CTNNA2: variants seen among roughly 807,000 people sequenced by gnomAD.
The protein encoded by CTNNA2 is catenin alpha 2, also known as catenin alpha-2.
CTNNA2 carries 42 observed loss-of-function variants against 101.0 expected under a neutral mutation model. The observed-to-expected ratio is 0.42, with a 90% CI of 0.32 to 0.54. The LOEUF (loss-of-function observed/expected upper bound fraction) is 0.54, where lower values mean the gene tolerates loss of function less well. Ranked by LOEUF, CTNNA2 falls within the 20% of genes least tolerant of loss-of-function variation. CTNNA2 has a pLI of 0.14. For missense variants in CTNNA2, 871 were observed against 1,223.1 expected (o/e 0.71, Z 4.29); for synonymous variants, 450 against 456.4 (o/e 0.99, Z 0.18).
chr2:79,301,005 T>TTG (rs1414829148), intron 2 of CTNNA2, among the ~76,000 whole-genome samples: 1 of 152,170 alleles, frequency 6.6e-6, no homozygotes, highest in Non-Finnish European at 1.5e-5. Context: ...TTTGACTGCT[T>TTG]TGCTCTCTTT....
intron 2 of CTNNA2, among the ~76,000 whole-genome samples, chr2:79,273,364 G>A (rs1228631689): frequency 6.6e-6 from 1 of 151,832 alleles, no homozygotes; most frequent in African/African-American, 2.4e-5. Context: ...TGGCACCTGT[G>A]GCTGCAGCAT....
rs139881678 is a variant in CTNNA2, at chr2:80,629,081, G to A, written c.2574+9853G>A. Among the ~76,000 whole-genome samples, 655 of 152,122 alleles carry A rather than the reference G, an allele frequency of 4.3e-3. 5 individuals carry two copies. Among genetic ancestry groups the A allele is most frequent in the African/African-American group, 0.015 (639 of 41,508 alleles). ...GATGTGCACCATACATTGAGCACAG[G>A]GTCCAGAATGTAGGTGTACTAAATA... On this transcript the variant is annotated intron_variant, in intron 18 of 18. Transcript: ENST00000402739.
chr2:80,619,146 G>A lies in CTNNA2; in HGVS notation c.2492G>A (p.Gly831Asp). 1.3e-6 allele frequency: 2 copies of A among 1,562,680 alleles called. No homozygotes were observed. Among genetic ancestry groups the A allele is most frequent in the Non-Finnish European group, 1.7e-6 (2 of 1,152,852 alleles). ...YEVDCDVIDG[G>D]RASQLSTHLP... ...GTAGATTGTGATGTCATAGATGGGG[G>A]CAGGGCTAGTCAACTTTCTACCCAC... Residue 831 changes from glycine to aspartate, a missense_variant, in exon 18 of 19, where the codon GGC becomes GAC. Gly to Asp is a moderately conservative substitution (Grantham distance 94). Around this residue, in one of 5 missense-constraint regions of CTNNA2, gnomAD observed 65 missense variants for 53.3 expected, o/e 1.22. Coordinates refer to ENST00000402739, the MANE Select transcript of CTNNA2 (RefSeq NM_001282597.3).
intron 7 of CTNNA2, among the ~76,000 whole-genome samples, chr2:80,380,607 A>G (rs1190860004): frequency 1.3e-5 from 2 of 152,202 alleles, no homozygotes; most frequent in African/African-American, 2.4e-5. Flanking sequence ...TTGTAGGATG[A>G]TAACCTAGGC....
intron 2 of CTNNA2, among the ~76,000 whole-genome samples, chr2:79,705,977 G>A (rs138016986): frequency 6.6e-6 from 1 of 152,292 alleles, no homozygotes; most frequent in Non-Finnish European, 1.5e-5. Flanking sequence ...AGTTAGTCAG[G>A]TGGGAAAGAA....
rs531216883 is a variant in CTNNA2, at chr2:79,226,869, C to G, written c.-406+28793C>G. ...GATACAGGTAACTTCATCTTAGCAA[C>G]AGGCTCTTGTGCAACATGAATTTGT... is the stretch of plus-strand genomic sequence containing the variant. On this transcript the variant is annotated intron_variant, in intron 2 of 21. Coordinates refer to the CTNNA2 transcript ENST00000466387. 2.6e-5 allele frequency among the ~76,000 whole-genome samples: 4 copies of G among 152,184 alleles called. No homozygotes were observed. In the South Asian group the frequency reaches 8.3e-4, roughly 32 times the overall value.
chr2:80,271,517 G>C (rs1335434956), intron 7 of CTNNA2, among the ~76,000 whole-genome samples: 1 of 151,250 alleles, frequency 6.6e-6, no homozygotes, highest in African/African-American at 2.4e-5. Context: ...CACCTCCCGT[G>C]TTCACGCCAT....
intron 1 of CTNNA2, among the ~76,000 whole-genome samples, chr2:79,532,066 A>G (rs72921176): frequency 0.21 from 31,903 of 152,040 alleles, 3,619 homozygotes; most frequent in Middle Eastern, 0.34. Context: ...TCTGTTACAG[A>G]CGCTGGTTTG....
chr2:80,268,213 T>C (rs184496773), intron 7 of CTNNA2, among the ~76,000 whole-genome samples: 27 of 152,352 alleles, frequency 1.8e-4, no homozygotes, highest in Non-Finnish European at 1.5e-5. Context: ...GCTGGCACTA[T>C]TTTAAAGCAA....
At chr2:79,939,387 A>G (rs1687997288) in intron 7 of CTNNA2, among the ~76,000 whole-genome samples, 1 of 152,224 alleles carries the variant, frequency 6.6e-6, no homozygotes, top group African/African-American at 2.4e-5. Flanking sequence ...TGGAATAAAT[A>G]TATTCAAATG....
intron 7 of CTNNA2, among the ~76,000 whole-genome samples, chr2:80,279,668 G>C (rs148893684): frequency 6.6e-6 from 1 of 152,134 alleles, no homozygotes; most frequent in Non-Finnish European, 1.5e-5. Context: ...TGTATCAATA[G>C]AGTCAATTTC....
intron 16 of CTNNA2, among the ~76,000 whole-genome samples, chr2:80,606,414 C>CCCCCA: frequency 1.9e-5 from 1 of 51,634 alleles, no homozygotes; most frequent in South Asian, 3.4e-4. Context: ...ACACACACAC[C>CCCCCA]CCCCAGGATA....
intron 2 of CTNNA2, among the ~76,000 whole-genome samples, chr2:79,733,815 A>G (rs1395748301): frequency 6.6e-6 from 1 of 152,118 alleles, no homozygotes. Context: ...CCTGTGCTGG[A>G]GTCCACTAAC....
At chr2:79,314,056 C>T (rs913465077) in intron 3 of CTNNA2, among the ~76,000 whole-genome samples, 1 of 152,042 alleles carries the variant, frequency 6.6e-6, no homozygotes, top group African/African-American at 2.4e-5. Flanking sequence ...AGTCATTTTT[C>T]CTAACTCACT....
chr2:79,719,388 C>T (rs1686328614), intron 2 of CTNNA2, among the ~76,000 whole-genome samples: 1 of 152,092 alleles, frequency 6.6e-6, no homozygotes. Flanking sequence ...ATGTGCGTGT[C>T]TTTTTGGTAC....
At chr2:79,450,239 T>C (rs1424733047) in intron 4 of CTNNA2, among the ~76,000 whole-genome samples, 2 of 151,936 alleles carry the variant, frequency 1.3e-5, no homozygotes, top group African/African-American at 4.8e-5. Context: ...AGTTATTATT[T>C]GGATACTAAA....
At chr2:80,480,813 G>A (rs1686083849) in intron 9 of CTNNA2, among the ~76,000 whole-genome samples, 1 of 151,982 alleles carries the variant, frequency 6.6e-6, no homozygotes, top group African/African-American at 2.4e-5. Flanking sequence ...TGTCTAAAAG[G>A]ACCCTCTATT....
chr2:79,308,943 G>A (rs1676306701), intron 2 of CTNNA2, among the ~76,000 whole-genome samples: 1 of 151,646 alleles, frequency 6.6e-6, no homozygotes, highest in South Asian at 2.1e-4. Flanking sequence ...TCTAATTTTA[G>A]TTTTCTCCAT....
intron 9 of CTNNA2, among the ~76,000 whole-genome samples, chr2:80,532,194 A>G (rs1466802501): frequency 1.3e-5 from 2 of 152,188 alleles, no homozygotes; most frequent in Admixed American, 6.5e-5. Flanking sequence ...TCAACAGTAT[A>G]TGGTAGTCCC....
Sources: gnomAD v4.1 joint callset for allele counts (sites outside exome capture counted in the v4.1 genomes callset) on GRCh38, gnomAD v4.1.1 for gene constraint, gnomAD v4.1.1 regional missense constraint, MANE v1.5 for transcripts, NCBI Gene and HGNC (gene_info 2026-07-23, HGNC 2026-07-21) for gene names.